The following PLAGL1 variants were observed in gnomAD, a reference collection of about 807,000 sequenced individuals.
PLAGL1 encodes zinc finger protein PLAGL1.
PLAGL1 carries 1 observed loss-of-function variant against 4.6 expected under a neutral mutation model. The observed-to-expected ratio is 0.22, with a 90% CI of 0.08 to 1.03. The LOEUF (loss-of-function observed/expected upper bound fraction) is 1.03, where lower values mean the gene tolerates loss of function less well. PLAGL1 is among the 50% of genes least tolerant of loss of function. The pLI, the probability that PLAGL1 is intolerant of heterozygous loss-of-function variation, is 0.58. For synonymous variants in PLAGL1, 240 were observed against 237.8 expected (o/e 1.01, Z -0.08); for missense variants, 464 against 570.4 (o/e 0.81, Z 1.90).
chr6:144,047,913 T>C (rs1798282609), intron 1 of PLAGL1, among the ~76,000 whole-genome samples: 1 of 152,096 alleles, frequency 6.6e-6, no homozygotes, highest in Admixed American at 6.5e-5. Flanking sequence ...ACAAGGCAAC[T>C]CCCTTCCTCC....
upstream of PLAGL1, among the ~76,000 whole-genome samples, chr6:144,011,537 A>AT (rs1197429332): frequency 6.6e-6 from 1 of 152,106 alleles, no homozygotes; most frequent in East Asian, 1.9e-4. This position sits in a 1 kb window ranked among gnomAD's most constrained non-coding sequence, Gnocchi z 4.3. Context: ...TTCTAGATCA[A>AT]TTTTTCCCCC....
At chr6:143,993,698 C>T (rs1350222645) in intron 1 of PLAGL1, among the ~76,000 whole-genome samples, 3 of 152,008 alleles carry the variant, frequency 2.0e-5, no homozygotes, top group Non-Finnish European at 4.4e-5. Context: ...TAAAGCTTTC[C>T]AATAGAAGCC....
Position 144,053,791 on chromosome 6 carries a change from C to A in PLAGL1, c.-151+10677G>T, listed in dbSNP as rs1798749421. Among the ~76,000 whole-genome samples the A allele has an allele frequency of 6.6e-6, 1 of 152,154 alleles. No homozygotes were observed. The highest frequency in any genetic ancestry group is 6.5e-5 in the Admixed American group (1 of 15,284). On this transcript the variant is annotated intron_variant, in intron 1 of 3. Coordinates refer to the PLAGL1 transcript ENST00000437412. The surrounding 1 kb of genome is among the most constrained non-coding windows in gnomAD (Gnocchi z 4.0). ...TCTTGCCCAGTGAACATAGTTATAA[C>A]CTCGAGATCCTTATCAGCACATCCT... is the stretch of plus-strand genomic sequence containing the variant.
Position 143,961,769 on chromosome 6 carries a change from CAA to C in PLAGL1, c.-398-1229_-398-1228del, listed in dbSNP as rs1452737486. Among the ~76,000 whole-genome samples the C allele has an allele frequency of 3.9e-5, 6 of 152,198 alleles. No individual in the cohort carries two copies. In the East Asian group the frequency reaches 1.2e-3, roughly 29 times the overall value. On this transcript the variant is annotated intron_variant, in intron 5 of 7. Transcript: ENST00000674357. The surrounding 1 kb of genome is among the most constrained non-coding windows in gnomAD (Gnocchi z 6.5). ...AAAGAGCTTTAAAAAGACATTAAAG[CAA>C]AAGAGTAAAATTCTTCCGGATGATT... is the stretch of plus-strand genomic sequence containing the variant.
At position 144,027,263 on chromosome 6, in the gene PLAGL1, G is replaced by A. The variant is rs1796431241; in HGVS notation, c.-151+37205C>T. ...AGAAAGAAAGAAAGAAAGAAAGAAA[G>A]AAAGAAAGAAAGAAAGAAAGAAAGA... On this transcript the variant is annotated intron_variant, in intron 1 of 3. Transcript: ENST00000437412. This position sits in a 1 kb window ranked among gnomAD's most constrained non-coding sequence, Gnocchi z 5.8. 6.9e-6 allele frequency among the ~76,000 whole-genome samples: 1 copy of A among 145,396 alleles called. No homozygotes were observed. The highest frequency in any genetic ancestry group is 1.5e-5 in the Non-Finnish European group (1 of 66,222).
At chr6:143,946,642 C>G (rs1180433816) in intron 7 of PLAGL1, among the ~76,000 whole-genome samples, 1 of 152,190 alleles carries the variant, frequency 6.6e-6, no homozygotes, top group African/African-American at 2.4e-5. Flanking sequence ...TCCATCTTTT[C>G]AATTCTTTCA....
chr6:143,951,644 C>T (rs1781102519), intron 6 of PLAGL1, among the ~76,000 whole-genome samples: 1 of 152,232 alleles, frequency 6.6e-6, no homozygotes. Flanking sequence ...ATCACCCATG[C>T]CTACATTTCC....
In PLAGL1 at chr6:143,949,581, T is replaced by C. The variant is rs1780584631; in HGVS notation, c.-324-1121A>G. Reference sequence around the variant, plus strand: ...CTGCCAGGGTAAAGCCCTGGATCACTACCACCCTGTGCTATTCTAGAGAGA... The same window carrying C: ...CTGCCAGGGTAAAGCCCTGGATCACCACCACCCTGTGCTATTCTAGAGAGA... On this transcript the variant is annotated intron_variant, in intron 6 of 7. Transcript: ENST00000674357. This position sits in a 1 kb window ranked among gnomAD's most constrained non-coding sequence, Gnocchi z 5.3. Among the ~76,000 whole-genome samples, 1 of 152,218 alleles carries C rather than the reference T, an allele frequency of 6.6e-6. No individual in the cohort carries two copies. Among genetic ancestry groups the C allele is most frequent in the South Asian group, 2.1e-4 (1 of 4,832 alleles).
rs1385067177 is a variant in PLAGL1 at position 143,972,018 on chromosome 6, A to G, written c.-543-3040T>C. On this transcript the variant is annotated intron_variant, in intron 2 of 7. Transcript: ENST00000674357. The surrounding 1 kb of genome is among the most constrained non-coding windows in gnomAD (Gnocchi z 6.8). ...GACTGCCTGACAAACTTGCTAAAGCAAAAAAGGGCATAATAGTTCTCTGCA... is the reference window on the plus strand; with the variant it reads ...GACTGCCTGACAAACTTGCTAAAGCGAAAAAGGGCATAATAGTTCTCTGCA... Among the ~76,000 whole-genome samples the G allele has an allele frequency of 6.6e-6, 1 of 152,244 alleles. No individual in the cohort carries two copies. Among genetic ancestry groups the G allele is most frequent in the Non-Finnish European group, 1.5e-5 (1 of 68,052 alleles).
rs982197785 is a variant in PLAGL1 at position 144,059,782 on chromosome 6, C to A, written c.-151+4686G>T. ...ATTTTCCATCCCTGAGGCTGCCCTG[C>A]AAGTAAACCTGCTTTAGTCTTTTGG... On this transcript the variant is annotated intron_variant, in intron 1 of 3. Transcript: ENST00000437412. This position sits in a 1 kb window ranked among gnomAD's most constrained non-coding sequence, Gnocchi z 4.9. 2.6e-5 allele frequency among the ~76,000 whole-genome samples: 4 copies of A among 152,164 alleles called. No individual in the cohort carries two copies. Among genetic ancestry groups the A allele is most frequent in the Non-Finnish European group, 4.4e-5 (3 of 68,030 alleles).
rs1301309600 is a variant in PLAGL1 at position 143,989,407 on chromosome 6, C to T, written c.-583-4233G>A. On this transcript the variant is annotated intron_variant, in intron 1 of 7. Transcript: ENST00000674357. This position sits in a 1 kb window ranked among gnomAD's most constrained non-coding sequence, Gnocchi z 4.8. ...GTGGAGTTCGGAGCATACCACCCTC[C>T]CAAATATGGGCTGGCATCATCCAAT... Among the ~76,000 whole-genome samples, 2 of 152,196 alleles carry T rather than the reference C, an allele frequency of 1.3e-5. No homozygotes were observed. Among genetic ancestry groups the T allele is most frequent in the Non-Finnish European group, 2.9e-5 (2 of 68,030 alleles).
chr6:144,004,621 G>T lies in PLAGL1; in HGVS notation c.-584+3469C>A, dbSNP rs570095606. The stretch of plus-strand genomic sequence containing the variant: ...ATTGATAGGAAGGGGCAGAAGGAAT[G>T]AAAATGTTTTATATGTTTATCTGGG... On this transcript the variant is annotated intron_variant, in intron 1 of 7. Coordinates refer to ENST00000674357, the MANE Select transcript of PLAGL1 (RefSeq NM_001317162.2). This position sits in a 1 kb window ranked among gnomAD's most constrained non-coding sequence, Gnocchi z 4.2. Among the ~76,000 whole-genome samples, 3 of 152,084 alleles carry T rather than the reference G, an allele frequency of 2.0e-5. No homozygotes were observed. The highest frequency in any genetic ancestry group is 6.5e-5 in the Admixed American group (1 of 15,276).
rs1204720750 is a variant in PLAGL1 at position 143,954,148 on chromosome 6, C to T, written c.-324-5688G>A. On this transcript the variant is annotated intron_variant, in intron 6 of 7. Coordinates refer to ENST00000674357, the MANE Select transcript of PLAGL1 (RefSeq NM_001317162.2). This position sits in a 1 kb window ranked among gnomAD's most constrained non-coding sequence, Gnocchi z 5.1. The stretch of plus-strand genomic sequence containing the variant: ...CCAGGGGTCGCCACCTTACCCTATA[C>T]AAGGCCCCAGCTGACAAGCCCCACC... Among the ~76,000 whole-genome samples, 1 of 152,154 alleles carries T rather than the reference C, an allele frequency of 6.6e-6. No homozygotes were observed. Among genetic ancestry groups the T allele is most frequent in the Non-Finnish European group, 1.5e-5 (1 of 68,036 alleles).
intron 1 of PLAGL1, among the ~76,000 whole-genome samples, chr6:144,051,584 A>G (rs1405427523): frequency 4.6e-5 from 7 of 152,254 alleles, no homozygotes; most frequent in Admixed American, 6.5e-5. Flanking sequence ...AACATATTGT[A>G]TTAGTCCTCT....
At position 144,063,070 on chromosome 6, in the gene PLAGL1, G is replaced by A. The variant is rs1214792682; in HGVS notation, c.-151+1398C>T. Among the ~76,000 whole-genome samples the A allele has an allele frequency of 5.3e-5, 8 of 152,170 alleles. No homozygotes were observed. Among genetic ancestry groups the A allele is most frequent in the Admixed American group, 6.5e-5 (1 of 15,276 alleles). On this transcript the variant is annotated intron_variant, in intron 1 of 3. Transcript: ENST00000437412. The surrounding 1 kb of genome is among the most constrained non-coding windows in gnomAD (Gnocchi z 5.7). ...TTTACACCAACGTTGTCACAGAGTT[G>A]ATCACCTGAAAACCAGCCCTCCTTT...
At chr6:144,026,178 T>C (rs2128703030) in intron 1 of PLAGL1, among the ~76,000 whole-genome samples, 1 of 152,256 alleles carries the variant, frequency 6.6e-6, no homozygotes, top group East Asian at 1.9e-4. Context: ...GTTTCGTGTA[T>C]GTGTGTGTGT....
At position 144,031,519 on chromosome 6, in the gene PLAGL1, T is replaced by A. The variant is rs547003209; in HGVS notation, c.-151+32949A>T. On this transcript the variant is annotated intron_variant, in intron 1 of 3. Transcript: ENST00000437412. ...AAGTCTTTGATCCATCTTGAGTTGA[T>A]CTTTGTATAAGAAGAGAGATGAGGA... Among the ~76,000 whole-genome samples the A allele has an allele frequency of 9.8e-5, 15 of 152,358 alleles. No individual in the cohort carries two copies. The East Asian group carries it at 2.9e-3, about 29-fold the overall frequency.
rs995367398 is a variant in PLAGL1 at position 143,964,345 on chromosome 6, T to A, written c.-399+442A>T. ...TGGGTTCCTCATCTTCCAGAGGCCATGAAAATCTCCAGGTCCTAGGACACA... is the reference window on the plus strand; with the variant it reads ...TGGGTTCCTCATCTTCCAGAGGCCAAGAAAATCTCCAGGTCCTAGGACACA... On this transcript the variant is annotated intron_variant, in intron 5 of 7. Coordinates refer to ENST00000674357, the MANE Select transcript of PLAGL1 (RefSeq NM_001317162.2). This position sits in a 1 kb window ranked among gnomAD's most constrained non-coding sequence, Gnocchi z 4.3. Among the ~76,000 whole-genome samples the A allele has an allele frequency of 1.5e-4, 23 of 152,114 alleles. No homozygotes were observed. Among genetic ancestry groups the A allele is most frequent in the African/African-American group, 4.3e-4 (18 of 41,420 alleles).
chr6:144,023,940 C>T (rs1222760130), intron 1 of PLAGL1, among the ~76,000 whole-genome samples: 4 of 151,870 alleles, frequency 2.6e-5, no homozygotes, highest in Non-Finnish European at 4.4e-5. Context: ...CCATGCCTGG[C>T]TAATTTTTGT....
Sources: allele counts gnomAD v4.1 joint callset (sites outside exome capture counted in the v4.1 genomes callset), GRCh38; gene constraint gnomAD v4.1.1; non-coding constraint Gnocchi (gnomAD v3.1); transcripts MANE v1.5; gene names NCBI Gene and HGNC (gene_info 2026-07-23, HGNC 2026-07-21).